The following MFSD2A variants were observed in gnomAD, a reference collection of about 807,000 sequenced individuals.
MFSD2A encodes the protein sodium-dependent lysophosphatidylcholine symporter 1.
MFSD2A carries 27 observed loss-of-function variants against 64.7 expected under a neutral mutation model. The ratio of observed to expected loss-of-function variants is 0.42; its 90% CI spans 0.31 to 0.58. The LOEUF (loss-of-function observed/expected upper bound fraction) is 0.58, where lower values mean the gene tolerates loss of function less well. MFSD2A is among the 20% of genes least tolerant of loss of function. MFSD2A has a pLI of 0.18. For missense variants in MFSD2A, 474 were observed against 679.5 expected, an observed-to-expected ratio of 0.70 and a Z score of 3.36; for synonymous variants, 258 against 273.4, an observed-to-expected ratio of 0.94 and a Z score of 0.55.
intron 6 of MFSD2A, among the ~76,000 whole-genome samples, chr1:39,966,365 C>T (rs533476947): frequency 4.9e-4 from 74 of 152,252 alleles, no homozygotes; most frequent in Non-Finnish European, 9.3e-4. Flanking sequence ...CCTGGGATTA[C>T]AGGTGTGAGG....
In MFSD2A at chr1:39,958,932, A is replaced by C; in HGVS notation, c.353+107A>C. ...CACAGGCAGAAGGGTGAGGAGAAGGAAGGAGTTAAAAGCCCAAGGGTGTTG... is the reference window on the plus strand; with the variant it reads ...CACAGGCAGAAGGGTGAGGAGAAGGCAGGAGTTAAAAGCCCAAGGGTGTTG... On this transcript the variant is annotated intron_variant, in intron 3 of 13. Coordinates refer to ENST00000372811, the MANE Select transcript of MFSD2A (RefSeq NM_032793.5). The surrounding 1 kb of genome is among the most constrained non-coding windows in gnomAD (Gnocchi z 4.7). 7.4e-7 allele frequency: 1 copy of C among 1,342,732 alleles called. No homozygotes were observed. Among genetic ancestry groups the C allele is most frequent in the South Asian group, 1.4e-5 (1 of 70,772 alleles). The allele number at this position is 1,342,732 out of a possible 1,614,324, so 83.2% of individuals were successfully genotyped here.
Position 39,965,984 on chromosome 1 carries a change from T to TA in MFSD2A, c.685dup (p.Thr229AsnfsTer44). ...CAGTAGCTTCACAAAGTGCCAACCA[T>TA]ACACATGGCACCACCTCACACAGGG... On this transcript the variant is annotated frameshift_variant, in exon 6 of 14. Coordinates refer to ENST00000372811, the MANE Select transcript of MFSD2A (RefSeq NM_032793.5). LOFTEE classifies it high-confidence loss of function. The surrounding 1 kb of genome is among the most constrained non-coding windows in gnomAD (Gnocchi z 5.5). 1 of 1,614,088 alleles carries TA rather than the reference T, an allele frequency of 6.2e-7. No individual in the cohort carries two copies. Among genetic ancestry groups the TA allele is most frequent in the Non-Finnish European group, 8.5e-7 (1 of 1,180,010 alleles).
At position 39,968,230 on chromosome 1, in the gene MFSD2A, C is replaced by T. The variant is rs1645205621; in HGVS notation, c.1209-104C>T. ...GTGAAGGTCCCATATCCTCACTGAG[C>T]TGTGTACCCATGGTACTGCAAGCTT... On this transcript the variant is annotated intron_variant, in intron 11 of 13. Transcript: ENST00000372811. This position sits in a 1 kb window ranked among gnomAD's most constrained non-coding sequence, Gnocchi z 4.4. 4 of 1,371,358 alleles carry T rather than the reference C, an allele frequency of 2.9e-6. No homozygotes were observed. In the South Asian group the frequency reaches 4.9e-5, roughly 17 times the overall value. The allele number at this position is 1,371,358 out of a possible 1,614,324, so 84.9% of individuals were successfully genotyped here.
chr1:39,965,929 C>T lies in MFSD2A; in HGVS notation c.629C>T (p.Thr210Met), dbSNP rs115104693. The T allele has an allele frequency of 1.7e-3, 2,726 of 1,614,164 alleles. 30 individuals are homozygous for T. The African/African-American group carries it at 0.026, about 16-fold the overall frequency. Residue 210 changes from threonine (T) to methionine (M), a missense_variant, in exon 6 of 14, where the codon ACG (threonine) becomes ATG (methionine). Transcript: ENST00000372811. This position sits in a 1 kb window ranked among gnomAD's most constrained non-coding sequence, Gnocchi z 5.5. Reference sequence around the variant, plus strand: ...GGACAAATCGTGGGCCAAGCAGACACGCCTTGTTTCCAGGACCTCAATAGC... The same window carrying T: ...GGACAAATCGTGGGCCAAGCAGACATGCCTTGTTTCCAGGACCTCAATAGC... ...IQGQIVGQAD[T>M]PCFQDLNSST... is the part of the protein sequence containing the mutation.
In MFSD2A at chr1:39,969,800, C is replaced by T; in HGVS notation, c.*232C>T. On this transcript the variant is annotated 3_prime_UTR_variant, in exon 14 of 14. Coordinates refer to ENST00000372811, the MANE Select transcript of MFSD2A (RefSeq NM_032793.5). ...CCTGGGGCTGCCACTGTGAATATGC[C>T]AAGGACTGATCGGGCCTAGCCCGGA... 1.8e-6 allele frequency: 1 copy of T among 554,062 alleles called. No homozygotes were observed. Among genetic ancestry groups the T allele is most frequent in the Admixed American group, 3.7e-5 (1 of 27,116 alleles). 34.3% of individuals were successfully genotyped at this position (554,062 alleles called of 1,614,324 possible).
At position 39,965,578 on chromosome 1, in the gene MFSD2A, C is replaced by T. The variant is rs1301252023; in HGVS notation, c.556+29C>T. 1.9e-6 allele frequency: 3 copies of T among 1,606,986 alleles called. No individual in the cohort carries two copies. Among genetic ancestry groups the T allele is most frequent in the East Asian group, 2.2e-5 (1 of 44,858 alleles). ...AGTCTCCCCAGCCCACCTGACCCCA[C>T]CCTCCAGGGACCCTCCAGCCATACT... On this transcript the variant is annotated intron_variant, in intron 5 of 13. Coordinates refer to ENST00000372811, the MANE Select transcript of MFSD2A (RefSeq NM_032793.5). The surrounding 1 kb of genome is among the most constrained non-coding windows in gnomAD (Gnocchi z 5.5).
intron 6 of MFSD2A, 146 bp downstream of exon 6, chr1:39,966,160 A>G: frequency 1.0e-6 from 1 of 958,976 alleles, no homozygotes; most frequent in Non-Finnish European, 1.5e-6. Flanking sequence ...CAATATACCT[A>G]CTTTGCAGAA....
rs1043320618 is a variant in MFSD2A at position 39,963,707 on chromosome 1, C to T, written c.354-1504C>T. 6.6e-6 allele frequency among the ~76,000 whole-genome samples: 1 copy of T among 151,976 alleles called. No individual in the cohort carries two copies. The highest frequency in any genetic ancestry group is 1.5e-5 in the Non-Finnish European group (1 of 68,000). On this transcript the variant is annotated intron_variant, in intron 3 of 13. Transcript: ENST00000372811. The surrounding 1 kb of genome is among the most constrained non-coding windows in gnomAD (Gnocchi z 4.2). ...TCTTTTTTGGGCAGTGCAGTTTTAA[C>T]ATTCCACATTAAGGATGTAATAATC...
chr1:39,962,724 TG>T (rs1645071497), intron 3 of MFSD2A: 2 of 796,012 alleles, frequency 2.5e-6, no homozygotes, highest in Non-Finnish European at 4.3e-6. Context: ...GGATAAGGAG[TG>T]GATGCCTGTC....
At position 39,957,107 on chromosome 1, in the gene MFSD2A, A is replaced by G; in HGVS notation, c.114A>G (p.Lys38=). ...AQVKKEPKKK[K]QQLSVCNKLC... is the part of the protein sequence containing the mutation. ...CCCAGAAAGAACCGAAAAAGAAGAA[A>G]CAACAGTTGTCTGTTTGCAACAAGC... The change falls in exon 2 of 14, where the codon AAA becomes AAG. Residue 38 remains lysine, a synonymous_variant. Coordinates refer to ENST00000372811, the MANE Select transcript of MFSD2A (RefSeq NM_032793.5). 6.2e-7 allele frequency: 1 copy of G among 1,614,102 alleles called. No homozygotes were observed. The highest frequency in any genetic ancestry group is 8.5e-7 in the Non-Finnish European group (1 of 1,179,998).
In MFSD2A at chr1:39,968,081, T is replaced by C; in HGVS notation, c.1208+165T>C. 1.6e-6 allele frequency: 1 copy of C among 641,768 alleles called. No homozygotes were observed. 39.8% of individuals were successfully genotyped at this position (641,768 alleles called of 1,614,324 possible). A position where few individuals can be genotyped will look rare whatever the true frequency, so the allele number is the denominator to read the frequency against. On this transcript the variant is annotated intron_variant, in intron 11 of 13. Transcript: ENST00000372811. The surrounding 1 kb of genome is among the most constrained non-coding windows in gnomAD (Gnocchi z 4.4). ...TGTACAGTTGTACAGGTAGTGAGCT[T>C]TGCAAGAACACCTAGTCAGAGTGAA...
chr1:39,969,055 C>G (rs556049894), intron 13 of MFSD2A, among the ~76,000 whole-genome samples: 2 of 152,320 alleles, frequency 1.3e-5, no homozygotes, highest in African/African-American at 4.8e-5. Flanking sequence ...CCCTAAGTAT[C>G]AGGTTCTTAG....
Position 39,965,603 on chromosome 1 carries a change from T to G in MFSD2A, c.556+54T>G. 1 of 1,568,632 alleles carries G rather than the reference T, an allele frequency of 6.4e-7. No homozygotes were observed. The highest frequency in any genetic ancestry group is 2.2e-5 in the East Asian group (1 of 44,666). ...CCCTCCAGGGACCCTCCAGCCATAC[T>G]TCTTCCCTTGCGGGTCCAGCTCTTT... On this transcript the variant is annotated intron_variant, in intron 5 of 13. Coordinates refer to ENST00000372811, the MANE Select transcript of MFSD2A (RefSeq NM_032793.5). The surrounding 1 kb of genome is among the most constrained non-coding windows in gnomAD (Gnocchi z 5.5).
In MFSD2A at chr1:39,960,335, C is replaced by T. The variant is rs769853051; in HGVS notation, c.353+1510C>T. On this transcript the variant is annotated intron_variant, in intron 3 of 13. Transcript: ENST00000372811. This position sits in a 1 kb window ranked among gnomAD's most constrained non-coding sequence, Gnocchi z 4.8. The stretch of plus-strand genomic sequence containing the variant: ...GGCCTCCGGCCTTCAAAGCTCTTCC[C>T]GCAACCCCTTCCCCCACTACAGCTT... Among the ~76,000 whole-genome samples, 143 of 152,360 alleles carry T rather than the reference C, an allele frequency of 9.4e-4. No individual in the cohort carries two copies. The highest frequency in any genetic ancestry group is 3.2e-3 in the African/African-American group (133 of 41,596).
intron 1 of MFSD2A, among the ~76,000 whole-genome samples, chr1:39,956,748 C>G (rs1156684350): frequency 6.6e-6 from 1 of 151,614 alleles, no homozygotes; most frequent in Non-Finnish European, 1.5e-5. Flanking sequence ...AACCCCGTCT[C>G]TACTTAAAAT....
In MFSD2A at chr1:39,963,259, A is replaced by C; in HGVS notation, c.354-1952A>C. The C allele has an allele frequency of 6.7e-7, 1 of 1,495,654 alleles. No individual in the cohort carries two copies. Among genetic ancestry groups the C allele is most frequent in the South Asian group, 1.1e-5 (1 of 88,592 alleles). 92.6% of individuals were successfully genotyped at this position (1,495,654 alleles called of 1,614,324 possible). A position where few individuals can be genotyped will look rare whatever the true frequency, so the allele number is the denominator to read the frequency against. ...ACTGCCACCCTGGGCAGCTTTGCCA[A>C]GGGCACCTTTGATGCCATCTCTAAG... On this transcript the variant is annotated intron_variant, in intron 3 of 13. Transcript: ENST00000372811. This position sits in a 1 kb window ranked among gnomAD's most constrained non-coding sequence, Gnocchi z 4.2.
In MFSD2A at chr1:39,969,504, G is replaced by A. The variant is rs773962730; in HGVS notation, c.1530-1G>A. The stretch of plus-strand genomic sequence containing the variant: ...CAACCCATCTCCTCTCTCTCTTGCA[G>A]GGACGAGGCCAGCAGCTCTGGCTGC... On this transcript the variant is annotated splice_acceptor_variant, in intron 13 of 13. Coordinates refer to ENST00000372811, the MANE Select transcript of MFSD2A (RefSeq NM_032793.5). LOFTEE classifies it high-confidence loss of function. 1.3e-6 allele frequency: 2 copies of A among 1,598,100 alleles called. No homozygotes were observed. Among genetic ancestry groups the A allele is most frequent in the Admixed American group, 3.5e-5 (2 of 56,808 alleles).
In MFSD2A at chr1:39,969,585, C is replaced by T. The variant is rs756683095; in HGVS notation, c.*17C>T. 1.7e-5 allele frequency: 27 copies of T among 1,608,084 alleles called. No homozygotes were observed. Among genetic ancestry groups the T allele is most frequent in the African/African-American group, 4.0e-5 (3 of 74,480 alleles). The stretch of plus-strand genomic sequence containing the variant: ...ATCCTCTAGGGCCCGCCACGTTGCC[C>T]GAAGCCACCATGCAGAAGGCCACAG... On this transcript the variant is annotated 3_prime_UTR_variant, in exon 14 of 14. Coordinates refer to ENST00000372811, the MANE Select transcript of MFSD2A (RefSeq NM_032793.5).
chr1:39,956,172 C>T (rs1169207015), intron 1 of MFSD2A, among the ~76,000 whole-genome samples: 3 of 152,230 alleles, frequency 2.0e-5, no homozygotes, highest in Non-Finnish European at 2.9e-5. Flanking sequence ...CAGGCCTGAA[C>T]CTGGAGGCCT....
Sources: gnomAD v4.1 joint callset for allele counts (sites outside exome capture counted in the v4.1 genomes callset) on GRCh38, gnomAD v4.1.1 for gene constraint, Gnocchi (gnomAD v3.1) non-coding constraint, MANE v1.5 for transcripts, NCBI Gene and HGNC (gene_info 2026-07-23, HGNC 2026-07-21) for gene names.